The following SF3B1 variants were observed in gnomAD, a reference collection of about 807,000 sequenced individuals.
SF3B1 encodes pre-mRNA processing 10.
SF3B1 carries 12 observed loss-of-function variants against 153.8 expected under a neutral mutation model. The ratio of observed to expected loss-of-function variants is 0.08; its 90% CI spans 0.05 to 0.13. The LOEUF is 0.13. Ranked by LOEUF, SF3B1 falls within the 10% of genes least tolerant of loss-of-function variation. The pLI is 1.00. For missense variants in SF3B1, 513 were observed against 1,606.1 expected (o/e 0.32, Z 11.63); for synonymous variants, 498 against 525.2 (o/e 0.95, Z 0.71).
chr2:197,420,895 G>T (rs1245578650), intron 3 of SF3B1, 134 bp downstream of exon 3: 3 of 625,172 alleles, frequency 4.8e-6, no homozygotes, highest in African/African-American at 1.9e-5. Context: ...AAAAGAAAAA[G>T]ATTACACCTT....
chr2:197,424,016 A>G, intron 1 of SF3B1, 42 bp from the exon 2 acceptor site: 1 of 1,528,462 alleles, frequency 6.5e-7, no homozygotes, highest in Non-Finnish European at 8.9e-7. Flanking sequence ...TCACTTTCCA[A>G]AAGAACTCCC....
chr2:197,402,940 T>C lies in SF3B1; in HGVS notation c.1806+9A>G, dbSNP rs765887820. 96 of 1,611,582 alleles carry C rather than the reference T, an allele frequency of 6.0e-5. No individual in the cohort carries two copies. The highest frequency in any genetic ancestry group is 7.5e-5 in the Non-Finnish European group (88 of 1,178,342). On this transcript the variant is annotated intron_variant, in intron 13 of 24. Coordinates refer to ENST00000335508, the MANE Select transcript of SF3B1 (RefSeq NM_012433.4). This position sits in a 1 kb window ranked among gnomAD's most constrained non-coding sequence, Gnocchi z 4.6. ...TAAATTTTCTTCTCTAGAAATTAAA[T>C]GTAAATACCTTTGCCAAATTAGAAA...
chr2:197,392,390 G>A lies in SF3B1; in HGVS notation c.3828C>T (p.Ser1276=), dbSNP rs141896404. 16 of 1,612,306 alleles carry A rather than the reference G, an allele frequency of 9.9e-6. No homozygotes were observed. The African/African-American group carries it at 1.9e-4, about 19-fold the overall frequency. ...GGTAATGTGCTATGAGAGCGTCCTG[G>A]GAACCAATGTAGATGGAGTTGTAAA... ...WKIYNSIYIG[S]QDALIAHYPR... The change falls in exon 25 of 25, where the codon TCC becomes TCT. Residue 1276 remains serine, a synonymous_variant. Coordinates refer to ENST00000335508, the MANE Select transcript of SF3B1 (RefSeq NM_012433.4).
At position 197,405,486 on chromosome 2, in the gene SF3B1, T is replaced by C. The variant is rs1438348811; in HGVS notation, c.1240-14A>G. 8 of 1,574,572 alleles carry C rather than the reference T, an allele frequency of 5.1e-6. No homozygotes were observed. On this transcript the variant is annotated splice_polypyrimidine_tract_variant and intron_variant, in intron 9 of 24. Transcript: ENST00000335508. Reference sequence around the variant, plus strand: ...AGGAGGAAGTACCTAATAAAAGTTATAAGACAGTTTAGGATTTTCTTAACT... The same window carrying C: ...AGGAGGAAGTACCTAATAAAAGTTACAAGACAGTTTAGGATTTTCTTAACT...
chr2:197,427,832 A>C (rs2085359073), intron 1 of SF3B1, among the ~76,000 whole-genome samples: 1 of 152,064 alleles, frequency 6.6e-6, no homozygotes, highest in South Asian at 2.1e-4. Flanking sequence ...CAGCCTGGCC[A>C]AGATGGTGAA....
At chr2:197,392,868 T>A in intron 24 of SF3B1, 104 bp downstream of exon 24, 2 of 685,656 alleles carry the variant, frequency 2.9e-6, no homozygotes, top group Non-Finnish European at 5.0e-6. Context: ...ATGGCACATA[T>A]ATACCTATGT....
Position 197,418,675 on chromosome 2 carries a change from TTA to T in SF3B1, c.416-89_416-88del, listed in dbSNP as rs1486492261. On this transcript the variant is annotated intron_variant, in intron 4 of 24. Coordinates refer to ENST00000335508, the MANE Select transcript of SF3B1 (RefSeq NM_012433.4). ...TGATTTATCTGCCCTGCTCTAAATA[TTA>T]TGTTATTCCATAATCATTTAAATTA... 4 of 1,511,378 alleles carry T rather than the reference TTA, an allele frequency of 2.6e-6. No individual in the cohort carries two copies. The African/African-American group carries it at 4.3e-5, about 16-fold the overall frequency. The allele number at this position is 1,511,378 out of a possible 1,614,324, so 93.6% of individuals were successfully genotyped here.
intron 4 of SF3B1, chr2:197,418,904 G>A: frequency 6.3e-7 from 1 of 1,595,966 alleles, no homozygotes; most frequent in Non-Finnish European, 8.5e-7. Flanking sequence ...ACACTTTCGT[G>A]CCTTTGTCTC....
Position 197,398,135 on chromosome 2 carries a change from A to AT in SF3B1, c.3135-20dup, listed in dbSNP as rs2084897068. On this transcript the variant is annotated intron_variant, in intron 21 of 24. Coordinates refer to ENST00000335508, the MANE Select transcript of SF3B1 (RefSeq NM_012433.4). ...AGCTCCCCTAATTTAAAAAATACAC[A>AT]TATTAATTATTGTGACATTAAGAAA... 6.4e-7 allele frequency: 1 copy of AT among 1,574,446 alleles called. No homozygotes were observed. The highest frequency in any genetic ancestry group is 1.4e-5 in the African/African-American group (1 of 73,646).
intron 1 of SF3B1, among the ~76,000 whole-genome samples, chr2:197,426,797 C>T (rs1308141538): frequency 1.3e-5 from 2 of 152,086 alleles, no homozygotes; most frequent in East Asian, 3.9e-4. Flanking sequence ...ATTTCCAACC[C>T]CAGCCCACCC....
rs1261539804 is a variant in SF3B1 at position 197,400,549 on chromosome 2, A to G, written c.2719-115T>C. On this transcript the variant is annotated intron_variant, in intron 18 of 24. Coordinates refer to ENST00000335508, the MANE Select transcript of SF3B1 (RefSeq NM_012433.4). The surrounding 1 kb of genome is among the most constrained non-coding windows in gnomAD (Gnocchi z 5.0). Reference sequence around the variant, plus strand: ...CAAACATCTGTTGCTGTTTTTTTACATCAAATCTTAAAACTTGAGGTAGAA... The same window carrying G: ...CAAACATCTGTTGCTGTTTTTTTACGTCAAATCTTAAAACTTGAGGTAGAA... 1 of 1,077,150 alleles carries G rather than the reference A, an allele frequency of 9.3e-7. No individual in the cohort carries two copies. Among genetic ancestry groups the G allele is most frequent in the African/African-American group, 1.6e-5 (1 of 61,942 alleles). 66.7% of individuals were successfully genotyped at this position (1,077,150 alleles called of 1,614,324 possible).
rs185100540 is a variant in SF3B1, at chr2:197,395,937, G to T, written c.3539+119C>A. On this transcript the variant is annotated intron_variant, in intron 23 of 24. Transcript: ENST00000335508. Reference sequence around the variant, plus strand: ...TATTTACAATGTCCTAAGACTCCAGGCTAGCAATTTTTTCTTTAACTATGT... The same window carrying T: ...TATTTACAATGTCCTAAGACTCCAGTCTAGCAATTTTTTCTTTAACTATGT... 3.0e-4 allele frequency: 246 copies of T among 807,080 alleles called. 1 individual carries two copies. The African/African-American group carries it at 4.0e-3, about 13-fold the overall frequency. The allele number at this position is 807,080 out of a possible 1,614,324, so 50.0% of individuals were successfully genotyped here.
At chr2:197,405,691 CAAGAG>C (rs2084982630) in intron 9 of SF3B1, among the ~76,000 whole-genome samples, 1 of 151,916 alleles carries the variant, frequency 6.6e-6, no homozygotes, top group Admixed American at 6.6e-5. Flanking sequence ...TGAGGAAACA[CAAGAG>C]AAGAGCTTAG....
In SF3B1 at chr2:197,391,845, T is replaced by C; in HGVS notation, c.*458A>G. On this transcript the variant is annotated 3_prime_UTR_variant, in exon 25 of 25. Transcript: ENST00000335508. ...ACAAAGATGCCATCACTTTATATAG[T>C]TTTTATTCAGCTAACTACTTTCTAT... 1 of 163,214 alleles carries C rather than the reference T, an allele frequency of 6.1e-6. No individual in the cohort carries two copies. The highest frequency in any genetic ancestry group is 1.3e-5 in the Non-Finnish European group (1 of 74,246). The allele number at this position is 163,214 out of a possible 1,614,324, so 10.1% of individuals were successfully genotyped here.
intron 1 of SF3B1, among the ~76,000 whole-genome samples, chr2:197,432,086 T>C (rs1395584297): frequency 6.6e-6 from 1 of 152,168 alleles, no homozygotes; most frequent in East Asian, 1.9e-4. Context: ...ATCACGCCAC[T>C]GCACTCCAAC....
chr2:197,393,839 T>C (rs1206771155), intron 23 of SF3B1, among the ~76,000 whole-genome samples: 3 of 152,200 alleles, frequency 2.0e-5, no homozygotes, highest in Non-Finnish European at 4.4e-5. Flanking sequence ...CATGTGGTTC[T>C]AACATATGAA....
chr2:197,435,031 C>A, upstream of SF3B1: 1 of 1,614,192 alleles, frequency 6.2e-7, no homozygotes, highest in Non-Finnish European at 8.5e-7. Flanking sequence ...ACGGAACTGG[C>A]GCTCCCAAGA....
At chr2:197,396,400 A>C in intron 22 of SF3B1, 72 bp from the exon 23 acceptor site, 1 of 1,318,406 alleles carries the variant, frequency 7.6e-7, no homozygotes, top group Non-Finnish European at 1.0e-6. Flanking sequence ...AAAATGCATA[A>C]AGATGAAAAC....
chr2:197,398,977 T>C, intron 20 of SF3B1: 1 of 1,151,446 alleles, frequency 8.7e-7, no homozygotes, highest in Non-Finnish European at 1.2e-6. Flanking sequence ...ACCCTTTAAC[T>C]GCAAAACAAA....
Sources: gnomAD v4.1 joint callset for allele counts (sites outside exome capture counted in the v4.1 genomes callset) on GRCh38, gnomAD v4.1.1 for gene constraint, Gnocchi (gnomAD v3.1) non-coding constraint, MANE v1.5 for transcripts, NCBI Gene and HGNC (gene_info 2026-07-23, HGNC 2026-07-21) for gene names.